The following NXPH1 variants were observed in gnomAD, a reference collection of about 807,000 sequenced individuals.
NXPH1 encodes neurexophilin-1.
In NXPH1, 5 loss-of-function variants were observed where a neutral mutation model predicts 23.7. The observed-to-expected ratio is 0.21, with a 90% CI of 0.11 to 0.44. The LOEUF (loss-of-function observed/expected upper bound fraction) is 0.44. Among genes scored for constraint, NXPH1 ranks in the 20% least tolerant of loss-of-function variants. The pLI, the probability that NXPH1 is intolerant of heterozygous loss-of-function variation, is 0.99. For synonymous variants in NXPH1, 144 were observed against 122.2 expected (o/e 1.18, Z -1.18); for missense variants, 324 against 321.6 (o/e 1.01, Z -0.06).
At position 8,473,282 on chromosome 7, in the gene NXPH1, C is replaced by A. The variant is rs145673346; in HGVS notation, c.54+37515C>A. Among the ~76,000 whole-genome samples the A allele has an allele frequency of 2.3e-3, 353 of 152,202 alleles. 1 individual carries two copies. The highest frequency in any genetic ancestry group is 0.017 in the Middle Eastern group (5 of 294). ...CTTGAAAATCATTGACAAAAGCAGG[C>A]TGTATTATCTAAGTTAGTTGTTTCA... On this transcript the variant is annotated intron_variant, in intron 2 of 2. Coordinates refer to ENST00000405863, the MANE Select transcript of NXPH1 (RefSeq NM_152745.3).
intron 2 of NXPH1, among the ~76,000 whole-genome samples, chr7:8,507,556 A>G (rs892670760): frequency 1.3e-5 from 2 of 152,250 alleles, no homozygotes; most frequent in African/African-American, 2.4e-5. Flanking sequence ...GAATCCTTCT[A>G]GTAGTTCCCC....
intron 2 of NXPH1, among the ~76,000 whole-genome samples, chr7:8,715,693 A>G (rs1779865441): frequency 6.6e-6 from 1 of 152,170 alleles, no homozygotes; most frequent in Admixed American, 6.5e-5. Context: ...GAGAAAACAC[A>G]CGGGTTAGAT....
chr7:8,481,748 G>A (rs1202739823), intron 2 of NXPH1, among the ~76,000 whole-genome samples: 1 of 152,190 alleles, frequency 6.6e-6, no homozygotes, highest in African/African-American at 2.4e-5. Flanking sequence ...GCATAATGCT[G>A]AGGTTTGGGG....
chr7:8,736,408 G>C (rs931776663), intron 2 of NXPH1, among the ~76,000 whole-genome samples: 7 of 152,178 alleles, frequency 4.6e-5, no homozygotes, highest in Admixed American at 3.9e-4. Context: ...TTCAGGAGCA[G>C]GTTGCTCAGT....
intron 2 of NXPH1, among the ~76,000 whole-genome samples, chr7:8,568,193 C>T (rs1331557611): frequency 6.6e-6 from 1 of 151,870 alleles, no homozygotes; most frequent in African/African-American, 2.4e-5. Context: ...TTGACTATAA[C>T]TGGTTCTAAA....
rs1818309172 is a variant in NXPH1, at chr7:8,553,445, G to T, written c.54+117678G>T. Among the ~76,000 whole-genome samples the T allele has an allele frequency of 2.0e-5, 3 of 150,890 alleles. No individual in the cohort carries two copies. The South Asian group carries it at 6.2e-4, about 31-fold the overall frequency. Reference sequence around the variant, plus strand: ...GAAATTGGCTGGTACATAATCATTAGTAAATAAATGCTTGTTGGATTAAAT... The same window carrying T: ...GAAATTGGCTGGTACATAATCATTATTAAATAAATGCTTGTTGGATTAAAT... On this transcript the variant is annotated intron_variant, in intron 2 of 2. Coordinates refer to ENST00000405863, the MANE Select transcript of NXPH1 (RefSeq NM_152745.3).
At chr7:8,575,757 CTT>C (rs59938417) in intron 2 of NXPH1, among the ~76,000 whole-genome samples, 9 of 147,190 alleles carry the variant, frequency 6.1e-5, no homozygotes, top group Admixed American at 1.4e-4. Context: ...GGGCAATGAT[CTT>C]TTTTTTTTTT....
rs896227886 is a variant in NXPH1 at position 8,752,115 on chromosome 7, C to T, written c.*346C>T. On this transcript the variant is annotated 3_prime_UTR_variant, in exon 3 of 3. Coordinates refer to ENST00000405863, the MANE Select transcript of NXPH1 (RefSeq NM_152745.3). ...TGTCTGACTCATAATGGTTCAGGAT[C>T]AACTATCATCAAACGGAAGGATTAA... 3.8e-5 allele frequency: 8 copies of T among 207,982 alleles called. No individual in the cohort carries two copies. Among genetic ancestry groups the T allele is most frequent in the African/African-American group, 1.8e-4 (8 of 43,902 alleles). The allele number at this position is 207,982 out of a possible 1,614,324, so 12.9% of individuals were successfully genotyped here. A position where few individuals can be genotyped will look rare whatever the true frequency, so the allele number is the denominator to read the frequency against.
At chr7:8,674,162 GACACACACACACACAC>G (rs35790323) in intron 2 of NXPH1, among the ~76,000 whole-genome samples, 4,505 of 86,168 alleles carry the variant, frequency 0.052, 337 homozygotes, top group East Asian at 0.31. Context: ...CAAACATATA[GACACACACACACACAC>G]ACACACACAC....
intron 2 of NXPH1, among the ~76,000 whole-genome samples, chr7:8,529,079 A>G (rs1817910599): frequency 6.6e-6 from 1 of 152,138 alleles, no homozygotes; most frequent in Non-Finnish European, 1.5e-5. Flanking sequence ...GACATATGAC[A>G]CCTGTCATCA....
chr7:8,700,144 G>C (rs1022848428), intron 2 of NXPH1, among the ~76,000 whole-genome samples: 6 of 152,138 alleles, frequency 3.9e-5, no homozygotes, highest in South Asian at 4.1e-4. Flanking sequence ...AACTGTCATC[G>C]TTTCTTTACC....
At chr7:8,622,812 A>C (rs555125087) in intron 2 of NXPH1, among the ~76,000 whole-genome samples, 1 of 152,346 alleles carries the variant, frequency 6.6e-6, no homozygotes, top group East Asian at 1.9e-4. Context: ...TACAAGTGCG[A>C]GTAATCTCTG....
At chr7:8,622,116 C>T (rs1191032395) in intron 2 of NXPH1, among the ~76,000 whole-genome samples, 2 of 152,152 alleles carry the variant, frequency 1.3e-5, no homozygotes, top group Non-Finnish European at 2.9e-5. Flanking sequence ...TAGAAAGCCT[C>T]TATTTTACCA....
intron 2 of NXPH1, among the ~76,000 whole-genome samples, chr7:8,698,242 G>A (rs1779565941): frequency 1.3e-5 from 2 of 152,126 alleles, no homozygotes; most frequent in Non-Finnish European, 2.9e-5. Context: ...ATTCATGGAG[G>A]TAATAAACCT....
intron 2 of NXPH1, among the ~76,000 whole-genome samples, chr7:8,436,766 T>C (rs1160663957): frequency 6.6e-6 from 1 of 152,130 alleles, no homozygotes; most frequent in African/African-American, 2.4e-5. Flanking sequence ...TGAGGTGCGC[T>C]AAAGCAGCCC....
At chr7:8,518,463 A>C (rs60009112) in intron 2 of NXPH1, among the ~76,000 whole-genome samples, 6,270 of 152,218 alleles carry the variant, frequency 0.041, 390 homozygotes, top group African/African-American at 0.14. Context: ...TATATAAAGC[A>C]TACATTTATT....
At chr7:8,695,561 C>T (rs1338173755) in intron 2 of NXPH1, among the ~76,000 whole-genome samples, 1 of 150,604 alleles carries the variant, frequency 6.6e-6, no homozygotes, top group East Asian at 2.0e-4. Context: ...ATTTATATGA[C>T]CTTTACCTTC....
At chr7:8,737,120 G>C (rs1167921011) in intron 2 of NXPH1, among the ~76,000 whole-genome samples, 1 of 152,042 alleles carries the variant, frequency 6.6e-6, no homozygotes, top group Non-Finnish European at 1.5e-5. Context: ...GGAGCTTTTA[G>C]CCCATTTACA....
At chr7:8,633,232 G>C (rs6962529) in intron 2 of NXPH1, among the ~76,000 whole-genome samples, 1 of 152,106 alleles carries the variant, frequency 6.6e-6, no homozygotes, top group South Asian at 2.1e-4. Context: ...GGAGATGGAG[G>C]CCATCCTGGC....
Sources: allele counts gnomAD v4.1 joint callset (sites outside exome capture counted in the v4.1 genomes callset), GRCh38; gene constraint gnomAD v4.1.1; transcripts MANE v1.5; gene names NCBI Gene and HGNC (gene_info 2026-07-23, HGNC 2026-07-21).